MIER2: variants seen among roughly 807,000 people sequenced by gnomAD.
The protein encoded by MIER2 is MIER family member 2.
In MIER2, 30 loss-of-function variants were observed where a neutral mutation model predicts 67.6. The observed-to-expected ratio is 0.44, with a 90% CI of 0.33 to 0.60. MIER2 has a LOEUF of 0.60. Ranked by LOEUF, MIER2 falls within the 20% of genes least tolerant of loss-of-function variation. MIER2 has a pLI of 0.02. For synonymous variants in MIER2, 372 were observed against 312.6 expected, an observed-to-expected ratio of 1.19 and a Z score of -2.00; for missense variants, 702 against 745.1, an observed-to-expected ratio of 0.94 and a Z score of 0.67.
At chr19:344,096 C>G in intron 1 of MIER2, 21 of 985,424 alleles carry the variant, frequency 2.1e-5, no homozygotes, top group Non-Finnish European at 2.5e-5. Context: ...GTTTCCTGGA[C>G]GAGGGAGGAG....
At chr19:336,042 G>T (rs202086810) in intron 2 of MIER2, 41 bp downstream of exon 2, 1 of 1,586,114 alleles carries the variant, frequency 6.3e-7, no homozygotes, top group East Asian at 2.2e-5. Context: ...AGCCACAAAG[G>T]CCTTGGCGGA....
rs546785742 is a variant in MIER2, at chr19:308,998, C to A, written c.985-73G>T. On this transcript the variant is annotated intron_variant, in intron 10 of 13. Transcript: ENST00000264819. This position sits in a 1 kb window ranked among gnomAD's most constrained non-coding sequence, Gnocchi z 9.1. ...CAGCACCTGCACCACGATCCCAGGA[C>A]GTCCTGGGACCCCGGGACAGCACAG... 60 of 1,550,630 alleles carry A rather than the reference C, an allele frequency of 3.9e-5. No individual in the cohort carries two copies. The Admixed American group carries it at 4.1e-4, about 11-fold the overall frequency.
Position 306,668 on chromosome 19 carries a change from A to G in MIER2, c.*22T>C, listed in dbSNP as rs1050737659. 1.3e-6 allele frequency: 2 copies of G among 1,553,024 alleles called. No homozygotes were observed. The highest frequency in any genetic ancestry group is 1.7e-6 in the Non-Finnish European group (2 of 1,148,022). On this transcript the variant is annotated 3_prime_UTR_variant, in exon 14 of 14. Transcript: ENST00000264819. Reference sequence around the variant, plus strand: ...CAGCGCTAAGTCCAGTCTGGGCCGCATACGCCGCCCGCGGCCAGGAGTCAG... The same window carrying G: ...CAGCGCTAAGTCCAGTCTGGGCCGCGTACGCCGCCCGCGGCCAGGAGTCAG...
chr19:327,039 T>G, intron 5 of MIER2, 94 bp downstream of exon 5: 3 of 1,483,472 alleles, frequency 2.0e-6, no homozygotes, highest in Non-Finnish European at 2.7e-6. Flanking sequence ...TGATGAGTTC[T>G]TGGCCTGCAT....
chr19:312,341 C>T, intron 8 of MIER2, 69 bp from the exon 9 acceptor site: 1 of 1,511,088 alleles, frequency 6.6e-7, no homozygotes, highest in East Asian at 2.3e-5. Context: ...CTGTCTATAC[C>T]ATCCAGCGAG....
intron 7 of MIER2, among the ~76,000 whole-genome samples, chr19:320,769 G>A (rs1474348721): frequency 6.6e-6 from 1 of 152,204 alleles, no homozygotes; most frequent in African/African-American, 2.4e-5. Context: ...TGTCTTCCAC[G>A]AAACCAGTCC....
intron 1 of MIER2, among the ~76,000 whole-genome samples, chr19:339,859 T>C (rs193300426): frequency 3.5e-4 from 54 of 152,264 alleles, no homozygotes; most frequent in Admixed American, 1.0e-3. Flanking sequence ...GTGGGGTTCC[T>C]TTTGGGGTGA....
Position 308,472 on chromosome 19 carries a change from G to A in MIER2, c.1198+105C>T. On this transcript the variant is annotated intron_variant, in intron 12 of 13. Coordinates refer to ENST00000264819, the MANE Select transcript of MIER2 (RefSeq NM_017550.3). The surrounding 1 kb of genome is among the most constrained non-coding windows in gnomAD (Gnocchi z 9.1). ...CCAGACGCCCACTCCTCCTGGCGAGGCTGGCCCAGCACAGGGCGCCAGGCA... is the reference window on the plus strand; with the variant it reads ...CCAGACGCCCACTCCTCCTGGCGAGACTGGCCCAGCACAGGGCGCCAGGCA... The A allele has an allele frequency of 4.0e-6, 5 of 1,239,322 alleles. No homozygotes were observed. Among genetic ancestry groups the A allele is most frequent in the Non-Finnish European group, 5.5e-6 (5 of 903,372 alleles). 76.8% of individuals were successfully genotyped at this position (1,239,322 alleles called of 1,614,324 possible).
At chr19:320,394 T>C (rs560189436) in intron 7 of MIER2, among the ~76,000 whole-genome samples, 17 of 151,260 alleles carry the variant, frequency 1.1e-4, no homozygotes, top group African/African-American at 4.1e-4. Flanking sequence ...ACTAAATAGA[T>C]AGATAGATAA....
chr19:327,932 G>C lies in MIER2; in HGVS notation c.301C>G (p.Pro101Ala). Residue 101 changes from proline (P) to alanine (A), a missense_variant, in exon 4 of 14, where the codon CCC becomes GCC. By Grantham distance (27) the Pro-to-Ala change is conservative. This residue lies in a region of MIER2 where 320 missense variants were observed against 292.6 expected (regional missense o/e 1.09). Coordinates refer to ENST00000264819, the MANE Select transcript of MIER2 (RefSeq NM_017550.3). ...LALYGYEASD[P>A]ISDRESEGGD... ...CCCTCACTCTCCCGGTCTGAAATGG[G>C]GTCTGACGCCTCGTAGCCATAGAGC... The C allele has an allele frequency of 6.2e-7, 1 of 1,612,960 alleles. No homozygotes were observed. Among genetic ancestry groups the C allele is most frequent in the Non-Finnish European group, 8.5e-7 (1 of 1,179,492 alleles).
At chr19:310,946 C>G (rs937336508) in intron 10 of MIER2, among the ~76,000 whole-genome samples, 1 of 152,234 alleles carries the variant, frequency 6.6e-6, no homozygotes, top group Non-Finnish European at 1.5e-5. Flanking sequence ...CCCGCTGTCT[C>G]CAATCAAAAC....
At chr19:344,387 C>CT (rs1239809519) in intron 1 of MIER2, 2 of 984,600 alleles carry the variant, frequency 2.0e-6, no homozygotes, top group East Asian at 1.1e-4. Flanking sequence ...GAGGGGAGGC[C>CT]TGCGCGCCGC....
intron 13 of MIER2, 27 bp downstream of exon 13, chr19:307,092 A>G (rs767884774): frequency 1.3e-6 from 2 of 1,556,502 alleles, no homozygotes. Flanking sequence ...AGTGTTGCGG[A>G]GGCTCCGGGC....
Position 334,312 on chromosome 19 carries a change from AATG to A in MIER2, c.243+85_243+87del, listed in dbSNP as rs1474522216. 9.0e-6 allele frequency: 14 copies of A among 1,560,456 alleles called. No homozygotes were observed. The Admixed American group carries it at 2.5e-4, about 28-fold the overall frequency. ...AAAGATGTACAATTTAGCACTTACC[AATG>A]TGGAATCTGAGCTGCACAAAACTCA... On this transcript the variant is annotated intron_variant, in intron 3 of 13. Coordinates refer to ENST00000264819, the MANE Select transcript of MIER2 (RefSeq NM_017550.3).
chr19:326,808 T>G (rs1460884377), intron 5 of MIER2: 3 of 589,792 alleles, frequency 5.1e-6, no homozygotes, highest in Non-Finnish European at 6.0e-6. Context: ...CTGCTGCACC[T>G]CTGGGCCCCG....
chr19:333,144 C>A (rs1972098552), intron 3 of MIER2, among the ~76,000 whole-genome samples: 1 of 98,620 alleles, frequency 1.0e-5, no homozygotes. Context: ...AGTCACCCGC[C>A]ACTATGCCCG....
chr19:308,155 G>A lies in MIER2; in HGVS notation c.1198+422C>T, dbSNP rs1970750035. On this transcript the variant is annotated intron_variant, in intron 12 of 13. Coordinates refer to ENST00000264819, the MANE Select transcript of MIER2 (RefSeq NM_017550.3). This position sits in a 1 kb window ranked among gnomAD's most constrained non-coding sequence, Gnocchi z 9.1. ...ACCATCGGACATGGTCCCTACCCGA[G>A]GCCCTGCTGTGCTCCGTCATGGCCT... Among the ~76,000 whole-genome samples, 1 of 152,156 alleles carries A rather than the reference G, an allele frequency of 6.6e-6. No homozygotes were observed. Among genetic ancestry groups the A allele is most frequent in the Non-Finnish European group, 1.5e-5 (1 of 68,024 alleles).
At chr19:311,748 C>A (rs575487516) in intron 10 of MIER2, 97 bp downstream of exon 10, 2 of 1,187,452 alleles carry the variant, frequency 1.7e-6, no homozygotes, top group African/African-American at 1.5e-5. Context: ...ACACGGGGCT[C>A]CAGGCCTCCA....
chr19:318,157 T>C (rs1971340520), intron 7 of MIER2, among the ~76,000 whole-genome samples: 1 of 152,176 alleles, frequency 6.6e-6, no homozygotes, highest in African/African-American at 2.4e-5. Context: ...TGAGTGGATA[T>C]TATGCCAATG....
Sources: gnomAD v4.1 joint callset for allele counts (sites outside exome capture counted in the v4.1 genomes callset) on GRCh38, gnomAD v4.1.1 for gene constraint, gnomAD v4.1.1 regional missense constraint, Gnocchi (gnomAD v3.1) non-coding constraint, MANE v1.5 for transcripts, NCBI Gene and HGNC (gene_info 2026-07-23, HGNC 2026-07-21) for gene names.